Variants in TNNI1 observed in about 807,000 individuals in gnomAD.
TNNI1 encodes troponin I1, slow skeletal type.
TNNI1 carries 14 observed loss-of-function variants against 26.7 expected under a neutral mutation model. That is an observed-to-expected ratio of 0.52 (90% CI 0.35 to 0.82). The LOEUF (loss-of-function observed/expected upper bound fraction) is 0.82. Ranked by LOEUF, TNNI1 falls within the 40% of genes least tolerant of loss-of-function variation. The probability of loss-of-function intolerance (pLI) is 0.01; values close to 1 mark genes in which losing one functional copy is unlikely to be tolerated. For missense variants in TNNI1, 164 were observed against 257.0 expected, an observed-to-expected ratio of 0.64 and a Z score of 2.47; for synonymous variants, 79 against 98.2, an observed-to-expected ratio of 0.80 and a Z score of 1.16.
rs1571736937 is a variant in TNNI1 at position 201,414,763 on chromosome 1, A to G, written c.58-114T>C. On this transcript the variant is annotated intron_variant, in intron 4 of 8. Coordinates refer to ENST00000361379, the MANE Select transcript of TNNI1 (RefSeq NM_003281.4). ...ACTCTGAGACCACTGTCCAGTGTAGAAGTGTATGCAGCAGCCATGGACAGG... is the reference window on the plus strand; with the variant it reads ...ACTCTGAGACCACTGTCCAGTGTAGGAGTGTATGCAGCAGCCATGGACAGG... The G allele has an allele frequency of 2.3e-5, 35 of 1,502,666 alleles. No individual in the cohort carries two copies. The East Asian group carries it at 7.8e-4, about 33-fold the overall frequency. The allele number at this position is 1,502,666 out of a possible 1,614,324, so 93.1% of individuals were successfully genotyped here.
At chr1:201,418,044 C>CTTT (rs35188093) in intron 1 of TNNI1, among the ~76,000 whole-genome samples, 1 of 122,346 alleles carries the variant, frequency 8.2e-6, no homozygotes, top group African/African-American at 3.0e-5. Context: ...GAATTGTAAG[C>CTTT]TTTTTTTTTT....
At chr1:201,412,174 T>C (rs773186592) in intron 6 of TNNI1, among the ~76,000 whole-genome samples, 1 of 152,186 alleles carries the variant, frequency 6.6e-6, no homozygotes, top group Non-Finnish European at 1.5e-5. Flanking sequence ...GGAAGCCCTA[T>C]TTGGAGTGCA....
In TNNI1 at chr1:201,407,616, AG is replaced by A. The variant is rs2102367598; in HGVS notation, c.*1636del. Reference sequence around the variant, plus strand: ...ATGGGGACTCAGTAGGGTGGGTAGAAGGGTTGCTGCTCTGATAACTCAGCCC... The same window carrying A: ...ATGGGGACTCAGTAGGGTGGGTAGAAGGTTGCTGCTCTGATAACTCAGCCC... On this transcript the variant is annotated 3_prime_UTR_variant, in exon 9 of 9. Transcript: ENST00000361379. 6.6e-6 allele frequency: 1 copy of A among 152,346 alleles called. No individual in the cohort carries two copies. Among genetic ancestry groups the A allele is most frequent in the East Asian group, 1.9e-4 (1 of 5,178 alleles). 9.4% of individuals were successfully genotyped at this position (152,346 alleles called of 1,614,324 possible). A position where few individuals can be genotyped will look rare whatever the true frequency, so the allele number is the denominator to read the frequency against.
chr1:201,411,380 C>T lies in TNNI1; in HGVS notation c.433G>A (p.Val145Met). ...SMDLRANLKS[V>M]KKEDTEKERP... ...ACCTTCTCTGTGTCTTCCTTCTTCA[C>T]AGACTTGAGGTTGGCCCGCAGATCC... The change falls in exon 7 of 9, where the codon GTG becomes ATG. Residue 145 changes from valine to methionine, a missense_variant. Coordinates refer to ENST00000361379, the MANE Select transcript of TNNI1 (RefSeq NM_003281.4). The surrounding 1 kb of genome is among the most constrained non-coding windows in gnomAD (Gnocchi z 4.6). 1.2e-6 allele frequency: 2 copies of T among 1,613,798 alleles called. No individual in the cohort carries two copies. Among genetic ancestry groups the T allele is most frequent in the Non-Finnish European group, 1.7e-6 (2 of 1,179,872 alleles).
intron 1 of TNNI1, among the ~76,000 whole-genome samples, chr1:201,421,142 C>T (rs776911225): frequency 3.7e-4 from 56 of 152,180 alleles, no homozygotes; most frequent in African/African-American, 1.3e-3. Context: ...CTAACAGCGT[C>T]GCTCAGAGAC....
chr1:201,419,685 A>G (rs369824828), intron 1 of TNNI1, among the ~76,000 whole-genome samples: 12 of 152,258 alleles, frequency 7.9e-5, no homozygotes, highest in East Asian at 1.9e-4. Flanking sequence ...CCCAACCCCA[A>G]TGAACACAGC....
At chr1:201,416,592 C>A (rs1662743581) in intron 3 of TNNI1, among the ~76,000 whole-genome samples, 1 of 152,202 alleles carries the variant, frequency 6.6e-6, no homozygotes, top group African/African-American at 2.4e-5. Flanking sequence ...TCTCAGTAGC[C>A]TGGTAAGTCT....
intron 8 of TNNI1, chr1:201,409,936 C>G (rs1242151702): frequency 1.8e-5 from 3 of 166,408 alleles, no homozygotes; most frequent in East Asian, 3.4e-4. Context: ...TTCTCAAACT[C>G]TCATGTGCAT....
Position 201,413,430 on chromosome 1 carries a change from A to AAAC in TNNI1, c.190-310_190-309insGTT, listed in dbSNP as rs113503132. On this transcript the variant is annotated intron_variant, in intron 5 of 8. Transcript: ENST00000361379. Reference sequence around the variant, plus strand: ...TGACAGAGCGAGACTCCGTCTCAAAAAAACAAACAAACAAACAAAAAACTA... The same window carrying AAAC: ...TGACAGAGCGAGACTCCGTCTCAAAAAACAAACAAACAAACAAACAAAAAACTA... Among the ~76,000 whole-genome samples the AAAC allele has an allele frequency of 6.2e-3, 934 of 151,248 alleles. 12 individuals are homozygous for AAAC. Among genetic ancestry groups the AAAC allele is most frequent in the African/African-American group, 0.021 (877 of 41,130 alleles).
At chr1:201,420,772 G>A (rs952447808) in intron 1 of TNNI1, among the ~76,000 whole-genome samples, 3 of 151,862 alleles carry the variant, frequency 2.0e-5, no homozygotes, top group East Asian at 1.9e-4. Flanking sequence ...AGTGCATGGC[G>A]CTGGGCTGCC....
At chr1:201,410,890 A>G (rs1000222182) in intron 7 of TNNI1, among the ~76,000 whole-genome samples, 1 of 152,204 alleles carries the variant, frequency 6.6e-6, no homozygotes, top group African/African-American at 2.4e-5. Flanking sequence ...TTCCTTACAG[A>G]GCCTATCAAT....
intron 2 of TNNI1, among the ~76,000 whole-genome samples, chr1:201,417,468 AG>A (rs1209944902): frequency 6.6e-6 from 1 of 152,156 alleles, no homozygotes; most frequent in Non-Finnish European, 1.5e-5. Context: ...AAATTCCCAA[AG>A]CTTTGTTCAC....
intron 1 of TNNI1, among the ~76,000 whole-genome samples, chr1:201,419,259 C>T (rs1299065913): frequency 5.9e-5 from 9 of 152,216 alleles, no homozygotes. Flanking sequence ...GATCCTGGGG[C>T]CCAGGCCAAA....
chr1:201,414,703 A>G, intron 4 of TNNI1, 54 bp from the exon 5 acceptor site: 3 of 1,591,272 alleles, frequency 1.9e-6, no homozygotes, highest in Non-Finnish European at 2.6e-6. Flanking sequence ...ACCCGGCATC[A>G]GGGAATGAGG....
intron 1 of TNNI1, among the ~76,000 whole-genome samples, chr1:201,420,434 C>CGGGGAGCAAA (rs1662833333): frequency 6.6e-6 from 1 of 151,964 alleles, no homozygotes; most frequent in Non-Finnish European, 1.5e-5. Flanking sequence ...ATCCTCCCCC[C>CGGGGAGCAAA]GAGGGGGGGA....
At chr1:201,417,490 A>G (rs1372821322) in intron 2 of TNNI1, among the ~76,000 whole-genome samples, 1 of 152,128 alleles carries the variant, frequency 6.6e-6, no homozygotes, top group Non-Finnish European at 1.5e-5. Flanking sequence ...CTACTGCACC[A>G]GTGTTAAGTG....
chr1:201,410,470 C>T, intron 7 of TNNI1, 35 bp from the exon 8 acceptor site: 1 of 1,588,418 alleles, frequency 6.3e-7, no homozygotes, highest in Non-Finnish European at 8.6e-7. Context: ...AGGGACTTAC[C>T]AGGCTGGACG....
chr1:201,421,327 G>C (rs1194779143), intron 1 of TNNI1, among the ~76,000 whole-genome samples: 1 of 152,106 alleles, frequency 6.6e-6, no homozygotes, highest in Non-Finnish European at 1.5e-5. Flanking sequence ...TCCCCTGGGT[G>C]CGCTCTCCCT....
At chr1:201,410,927 C>T (rs1224126799) in intron 7 of TNNI1, among the ~76,000 whole-genome samples, 3 of 152,220 alleles carry the variant, frequency 2.0e-5, no homozygotes, top group African/African-American at 7.2e-5. Flanking sequence ...GTGAATTCAA[C>T]CAACTTTGAA....
Sources: allele counts gnomAD v4.1 joint callset (sites outside exome capture counted in the v4.1 genomes callset), GRCh38; gene constraint gnomAD v4.1.1; non-coding constraint Gnocchi (gnomAD v3.1); transcripts MANE v1.5; gene names NCBI Gene and HGNC (gene_info 2026-07-23, HGNC 2026-07-21).